The following NKAIN2 variants were observed in gnomAD, a reference collection of about 807,000 sequenced individuals.
NKAIN2 encodes the protein sodium/potassium transporting ATPase interacting 2, also known as sodium/potassium-transporting ATPase subunit beta-1-interacting protein 2.
NKAIN2 carries 14 observed loss-of-function variants against 32.6 expected under a neutral mutation model. The observed-to-expected ratio is 0.43, with a 90% CI of 0.28 to 0.67. The LOEUF is 0.67. Among genes scored for constraint, NKAIN2 ranks in the 30% least tolerant of loss-of-function variants. The pLI is 0.17. For missense variants in NKAIN2, 198 were observed against 258.3 expected, an observed-to-expected ratio of 0.77 and a Z score of 1.60; for synonymous variants, 80 against 87.2, an observed-to-expected ratio of 0.92 and a Z score of 0.46.
At chr6:124,590,393 G>A (rs954421762) in intron 3 of NKAIN2, among the ~76,000 whole-genome samples, 1 of 152,102 alleles carries the variant, frequency 6.6e-6, no homozygotes, top group Non-Finnish European at 1.5e-5. Flanking sequence ...CCACAATCTT[G>A]CATTCTCATA....
intron 2 of NKAIN2, among the ~76,000 whole-genome samples, chr6:124,292,306 C>T (rs1795851178): frequency 6.6e-6 from 1 of 152,034 alleles, no homozygotes; most frequent in Non-Finnish European, 1.5e-5. Flanking sequence ...TATAGACTGG[C>T]AATTGCTTCA....
At chr6:123,847,125 A>G (rs185042088) in intron 1 of NKAIN2, among the ~76,000 whole-genome samples, 23 of 152,364 alleles carry the variant, frequency 1.5e-4, no homozygotes, top group East Asian at 1.9e-4. Flanking sequence ...GTCAATACAT[A>G]CATATCCACA....
intron 1 of NKAIN2, among the ~76,000 whole-genome samples, chr6:124,175,922 G>A (rs1789134168): frequency 1.3e-5 from 2 of 151,814 alleles, no homozygotes; most frequent in Admixed American, 1.3e-4. Context: ...TTATGTTATT[G>A]TAATCTGCTT....
At chr6:123,960,873 T>A (rs1310075037) in intron 1 of NKAIN2, among the ~76,000 whole-genome samples, 1 of 151,958 alleles carries the variant, frequency 6.6e-6, no homozygotes, top group Admixed American at 6.6e-5. Context: ...CACTTGTTAC[T>A]TTTTTTCGGG....
rs559908003 is a variant in NKAIN2, at chr6:123,844,296, A to G, written c.54+40042A>G. ...ACGTACAGAGCATTTTGAAGAAGGTAGTGTTTAGCTAAAGCATAGATTATG... is the reference window on the plus strand; with the variant it reads ...ACGTACAGAGCATTTTGAAGAAGGTGGTGTTTAGCTAAAGCATAGATTATG... On this transcript the variant is annotated intron_variant, in intron 1 of 6. Coordinates refer to ENST00000368417, the MANE Select transcript of NKAIN2 (RefSeq NM_001040214.3). 2.6e-5 allele frequency among the ~76,000 whole-genome samples: 4 copies of G among 152,292 alleles called. No homozygotes were observed. The East Asian group carries it at 5.8e-4, about 22-fold the overall frequency.
intron 1 of NKAIN2, among the ~76,000 whole-genome samples, chr6:124,171,740 T>TG (rs1788879127): frequency 7.4e-6 from 1 of 134,582 alleles, no homozygotes; most frequent in African/African-American, 2.8e-5. Context: ...TTAGTAGAGA[T>TG]GGGGTTTCAC....
chr6:124,468,361 C>T (rs901389421), intron 3 of NKAIN2, among the ~76,000 whole-genome samples: 2 of 152,092 alleles, frequency 1.3e-5, no homozygotes, highest in Non-Finnish European at 2.9e-5. Flanking sequence ...TATACCCCAT[C>T]CTTTCTCCTT....
intron 2 of NKAIN2, among the ~76,000 whole-genome samples, chr6:124,341,692 A>T (rs946881159): frequency 6.6e-6 from 1 of 152,208 alleles, no homozygotes; most frequent in African/African-American, 2.4e-5. Flanking sequence ...TATGATTAGA[A>T]TTGGATTTCT....
At chr6:124,590,215 G>A (rs987816654) in intron 3 of NKAIN2, among the ~76,000 whole-genome samples, 6 of 152,148 alleles carry the variant, frequency 3.9e-5, no homozygotes, top group Non-Finnish European at 7.3e-5. Context: ...CTTTAGTGCT[G>A]AGGTTTTGCA....
intron 3 of NKAIN2, among the ~76,000 whole-genome samples, chr6:124,362,630 T>A (rs557198174): frequency 6.6e-6 from 1 of 152,248 alleles, no homozygotes; most frequent in African/African-American, 2.4e-5. Context: ...GTCTTGACCT[T>A]GTTGCTAAGT....
chr6:124,470,848 T>G lies in NKAIN2; in HGVS notation c.273+115501T>G, dbSNP rs183040604. Among the ~76,000 whole-genome samples the G allele has an allele frequency of 1.5e-3, 235 of 152,336 alleles. 2 individuals are homozygous for G. Among genetic ancestry groups the G allele is most frequent in the Non-Finnish European group, 5.1e-4 (35 of 68,032 alleles). Reference sequence around the variant, plus strand: ...AGTAAGTCAATTTAAACTTACTCTTTTAGCTTTGCTAAACTTATGTTTTTC... The same window carrying G: ...AGTAAGTCAATTTAAACTTACTCTTGTAGCTTTGCTAAACTTATGTTTTTC... On this transcript the variant is annotated intron_variant, in intron 3 of 6. Transcript: ENST00000368417.
At chr6:123,901,326 A>T (rs995058897) in intron 1 of NKAIN2, among the ~76,000 whole-genome samples, 1 of 151,962 alleles carries the variant, frequency 6.6e-6, no homozygotes, top group Admixed American at 6.6e-5. Context: ...TCTCTTTAGG[A>T]TTATTTTTAA....
At chr6:123,883,517 G>C (rs999067310) in intron 1 of NKAIN2, among the ~76,000 whole-genome samples, 6 of 151,482 alleles carry the variant, frequency 4.0e-5, no homozygotes, top group African/African-American at 1.5e-4. Flanking sequence ...TCTTTTTCCT[G>C]CTCCAGCCAT....
At chr6:123,877,748 A>G (rs988645703) in intron 1 of NKAIN2, among the ~76,000 whole-genome samples, 4 of 152,200 alleles carry the variant, frequency 2.6e-5, no homozygotes, top group Admixed American at 2.6e-4. Context: ...TAAATTAATT[A>G]GCTAAGTTTT....
intron 1 of NKAIN2, among the ~76,000 whole-genome samples, chr6:124,129,135 G>A (rs940990046): frequency 6.6e-6 from 1 of 152,082 alleles, no homozygotes; most frequent in African/African-American, 2.4e-5. Context: ...GTACGTTTTG[G>A]ATTCTTTCAC....
At chr6:124,283,199 C>A (rs917760149) in intron 2 of NKAIN2, 57 bp downstream of exon 2, 2 of 1,225,498 alleles carry the variant, frequency 1.6e-6, no homozygotes, top group Non-Finnish European at 2.4e-6. Context: ...GATGTGCAAA[C>A]TCCAAATGCC....
intron 3 of NKAIN2, among the ~76,000 whole-genome samples, chr6:124,539,999 G>A (rs1358894483): frequency 3.3e-5 from 5 of 152,208 alleles, no homozygotes; most frequent in Admixed American, 3.3e-4. Context: ...AGGATTATAG[G>A]CGTGAGCCAC....
chr6:124,051,744 G>C (rs1406315488), intron 1 of NKAIN2, among the ~76,000 whole-genome samples: 1 of 152,002 alleles, frequency 6.6e-6, no homozygotes, highest in African/African-American at 2.4e-5. Flanking sequence ...TCATTGAATT[G>C]GTGAAGTTCA....
chr6:124,190,747 A>T (rs1260691113), intron 1 of NKAIN2, among the ~76,000 whole-genome samples: 1 of 152,218 alleles, frequency 6.6e-6, no homozygotes, highest in Non-Finnish European at 1.5e-5. Context: ...TACATGTAAG[A>T]TTAAGACATT....
Sources: gnomAD v4.1 joint callset for allele counts (sites outside exome capture counted in the v4.1 genomes callset) on GRCh38, gnomAD v4.1.1 for gene constraint, MANE v1.5 for transcripts, NCBI Gene and HGNC (gene_info 2026-07-23, HGNC 2026-07-21) for gene names.